PLPP1: variants seen among roughly 807,000 people sequenced by gnomAD.
The protein encoded by PLPP1 is phospholipid phosphatase 1.
Under a neutral mutation model 31.2 loss-of-function variants are expected in PLPP1, and 24 were observed. The observed-to-expected ratio is 0.77, with a 90% CI of 0.56 to 1.08. PLPP1 has a LOEUF of 1.08. Ranked by LOEUF, PLPP1 falls within the 50% of genes least tolerant of loss-of-function variation. The probability of loss-of-function intolerance (pLI) is 0.00; values close to 1 mark genes in which losing one functional copy is unlikely to be tolerated. For synonymous variants in PLPP1, 146 were observed against 126.3 expected (o/e 1.16, Z -1.05); for missense variants, 319 against 342.7 (o/e 0.93, Z 0.55).
At chr5:55,518,757 C>T (rs1374817967) in intron 1 of PLPP1, among the ~76,000 whole-genome samples, 1 of 152,180 alleles carries the variant, frequency 6.6e-6, no homozygotes, top group African/African-American at 2.4e-5. Flanking sequence ...TACCTGAATC[C>T]ATTGGTGTCA....
chr5:55,441,954 A>G (rs773263338), intron 3 of PLPP1, 46 bp from the exon 4 acceptor site: 1 of 1,562,722 alleles, frequency 6.4e-7, no homozygotes, highest in East Asian at 2.2e-5. Context: ...CTTAGGAGCC[A>G]AAAGTATTGT....
intron 2 of PLPP1, among the ~76,000 whole-genome samples, chr5:55,471,453 GC>G (rs897332696): frequency 2.1e-4 from 32 of 152,198 alleles, no homozygotes; most frequent in African/African-American, 7.0e-4. Context: ...ACCCGCCTTG[GC>G]CTCCCAAAGT....
chr5:55,509,071 A>C (rs1282943919), intron 1 of PLPP1: 1 of 152,292 alleles, frequency 6.6e-6, no homozygotes, highest in Non-Finnish European at 1.5e-5. Flanking sequence ...GGATGATTTC[A>C]CTAAAGTAAC....
intron 1 of PLPP1, among the ~76,000 whole-genome samples, chr5:55,489,279 C>G (rs1752838427): frequency 6.6e-6 from 1 of 152,150 alleles, no homozygotes; most frequent in African/African-American, 2.4e-5. Context: ...GCAAGTTTTT[C>G]TTAAAAAAGA....
Position 55,472,430 on chromosome 5 carries a change from A to G in PLPP1, c.210+2869T>C, listed in dbSNP as rs899631684. Reference sequence around the variant, plus strand: ...ATCCTGGCCAACATAGTGAAACCCCATCTTTACTAAAAATACAAAAATTAG... The same window carrying G: ...ATCCTGGCCAACATAGTGAAACCCCGTCTTTACTAAAAATACAAAAATTAG... On this transcript the variant is annotated intron_variant, in intron 2 of 5. Coordinates refer to ENST00000307259, the MANE Select transcript of PLPP1 (RefSeq NM_003711.4). 3.3e-5 allele frequency among the ~76,000 whole-genome samples: 5 copies of G among 152,058 alleles called. No homozygotes were observed. The South Asian group carries it at 1.0e-3, about 32-fold the overall frequency.
At chr5:55,477,566 G>T (rs375514736) in intron 1 of PLPP1, among the ~76,000 whole-genome samples, 1 of 151,464 alleles carries the variant, frequency 6.6e-6, no homozygotes, top group Non-Finnish European at 1.5e-5. Flanking sequence ...GCTAATTTTT[G>T]TATTTTTAAT....
chr5:55,534,276 T>C lies in PLPP1; in HGVS notation c.58+296A>G, dbSNP rs112357825. Among the ~76,000 whole-genome samples, 772 of 152,252 alleles carry C rather than the reference T, an allele frequency of 5.1e-3. 3 individuals carry two copies. Among genetic ancestry groups the C allele is most frequent in the African/African-American group, 0.018 (744 of 41,564 alleles). ...CAGAGGGGAGGAGCCCACCCTGCTCTGCTAGAGTGGAACTGCAAACAGAGG... is the reference window on the plus strand; with the variant it reads ...CAGAGGGGAGGAGCCCACCCTGCTCCGCTAGAGTGGAACTGCAAACAGAGG... On this transcript the variant is annotated intron_variant, in intron 1 of 5. Coordinates refer to ENST00000307259, the MANE Select transcript of PLPP1 (RefSeq NM_003711.4).
intron 1 of PLPP1, among the ~76,000 whole-genome samples, chr5:55,507,818 T>A (rs1275036792): frequency 1.3e-5 from 2 of 151,828 alleles, no homozygotes; most frequent in Admixed American, 1.3e-4. Flanking sequence ...CACTGATGAT[T>A]TTTTTAGTCC....
intron 1 of PLPP1, among the ~76,000 whole-genome samples, chr5:55,526,663 TG>T (rs2111950673): frequency 6.6e-6 from 1 of 152,284 alleles, no homozygotes; most frequent in South Asian, 2.1e-4. Context: ...CCAGGCACGG[TG>T]GCTCACGCCT....
intron 1 of PLPP1, among the ~76,000 whole-genome samples, chr5:55,486,263 T>C (rs1368930452): frequency 6.6e-6 from 1 of 152,150 alleles, no homozygotes; most frequent in Non-Finnish European, 1.5e-5. Flanking sequence ...TTCTTTGAGG[T>C]AGTCATCTGT....
At chr5:55,520,690 T>C (rs999410738) in intron 1 of PLPP1, among the ~76,000 whole-genome samples, 2 of 152,208 alleles carry the variant, frequency 1.3e-5, no homozygotes, top group Non-Finnish European at 2.9e-5. Flanking sequence ...TGACTCAAGT[T>C]TATTGCCCAG....
At chr5:55,488,208 T>TA (rs781599627) in intron 1 of PLPP1, among the ~76,000 whole-genome samples, 193 of 142,892 alleles carry the variant, frequency 1.4e-3, no homozygotes, top group Middle Eastern at 3.6e-3. Flanking sequence ...TTCCACTCCT[T>TA]AAAAAAAAAA....
At chr5:55,437,652 C>T (rs774634845) in intron 4 of PLPP1, among the ~76,000 whole-genome samples, 4 of 152,152 alleles carry the variant, frequency 2.6e-5, no homozygotes, top group African/African-American at 7.2e-5. Context: ...AAATTGATTG[C>T]TCCACCTACA....
intron 1 of PLPP1, chr5:55,509,004 A>G (rs1042733953): frequency 6.5e-6 from 1 of 153,010 alleles, no homozygotes; most frequent in Non-Finnish European, 1.5e-5. Context: ...ATGGAATTAG[A>G]ACTGAATTTA....
rs114009773 is a variant in PLPP1, at chr5:55,437,040, C to G, written c.549+4811G>C. ...TCTACAACCTGGAAGAAGGCCCCAC[C>G]ATTACCCAACCATGCTGGCACCCTA... On this transcript the variant is annotated intron_variant, in intron 4 of 5. Transcript: ENST00000307259. 2.7e-3 allele frequency among the ~76,000 whole-genome samples: 415 copies of G among 152,316 alleles called. 4 individuals carry two copies. Among genetic ancestry groups the G allele is most frequent in the African/African-American group, 9.5e-3 (396 of 41,578 alleles).
chr5:55,512,938 G>A (rs1017658796), intron 1 of PLPP1, among the ~76,000 whole-genome samples: 1 of 152,202 alleles, frequency 6.6e-6, no homozygotes, highest in African/African-American at 2.4e-5. Context: ...GTGAATCAAG[G>A]AGAAGGTTCC....
intron 3 of PLPP1, among the ~76,000 whole-genome samples, chr5:55,445,616 C>T (rs1482013918): frequency 6.9e-6 from 1 of 144,834 alleles, no homozygotes; most frequent in Admixed American, 7.2e-5. Context: ...CCAATCTGAG[C>T]TCACTGCAAC....
intron 3 of PLPP1, among the ~76,000 whole-genome samples, chr5:55,453,034 T>C (rs77769722): frequency 6.7e-6 from 1 of 148,212 alleles, no homozygotes; most frequent in Non-Finnish European, 1.5e-5. Flanking sequence ...GTGGTTTTTT[T>C]CCTTTTTTGC....
chr5:55,448,205 ATCAGATTATT>A (rs1248461065), intron 3 of PLPP1, among the ~76,000 whole-genome samples: 1 of 152,210 alleles, frequency 6.6e-6, no homozygotes, highest in African/African-American at 2.4e-5. Flanking sequence ...GCAATGAGAT[ATCAGATTATT>A]ATCTACAAGA....
Sources: gnomAD v4.1 joint callset for allele counts (sites outside exome capture counted in the v4.1 genomes callset) on GRCh38, gnomAD v4.1.1 for gene constraint, MANE v1.5 for transcripts, NCBI Gene and HGNC (gene_info 2026-07-23, HGNC 2026-07-21) for gene names.